The following ITGA2 variants were observed in gnomAD, a reference collection of about 807,000 sequenced individuals.
ITGA2 encodes integrin subunit alpha 2.
ITGA2 carries 101 observed loss-of-function variants against 146.3 expected under a neutral mutation model. The ratio of observed to expected loss-of-function variants is 0.69; its 90% CI spans 0.59 to 0.81. The LOEUF is 0.81. Among genes scored for constraint, ITGA2 ranks in the 40% least tolerant of loss-of-function variants. ITGA2 has a pLI of 0.00. For missense variants in ITGA2, 1,281 were observed against 1,402.7 expected (o/e 0.91, Z 1.39); for synonymous variants, 477 against 487.1 (o/e 0.98, Z 0.27).
At chr5:53,081,769 C>T (rs1745932001) in intron 26 of ITGA2, 73 bp downstream of exon 26, 3 of 1,001,900 alleles carry the variant, frequency 3.0e-6, no homozygotes, top group South Asian at 1.4e-5. Flanking sequence ...CTGCTTTTCT[C>T]CTACCAGCTG....
Position 53,075,319 on chromosome 5 carries a change from G to GGGTA in ITGA2, c.2825+16_2825+19dup, listed in dbSNP as rs1302032721. 1.2e-6 allele frequency: 2 copies of GGGTA among 1,604,024 alleles called. No individual in the cohort carries two copies. Among genetic ancestry groups the GGGTA allele is most frequent in the Non-Finnish European group, 1.7e-6 (2 of 1,171,866 alleles). On this transcript the variant is annotated intron_variant, in intron 23 of 29. Coordinates refer to ENST00000296585, the MANE Select transcript of ITGA2 (RefSeq NM_002203.4). ...CACTTAACAAGGTAGGTGAAGCAGT[G>GGGTA]GGTAACCTGCTATCACTGACACCAA...
chr5:53,059,730 T>G (rs1245971122), intron 10 of ITGA2, 144 bp from the exon 11 acceptor site: 5 of 853,958 alleles, frequency 5.9e-6, no homozygotes, highest in Non-Finnish European at 3.7e-6. Flanking sequence ...ATTAAGACAA[T>G]TCTACAATAT....
At chr5:52,995,511 G>A (rs1040806241) in intron 1 of ITGA2, among the ~76,000 whole-genome samples, 3 of 152,094 alleles carry the variant, frequency 2.0e-5, no homozygotes, top group Admixed American at 2.0e-4. Context: ...GGAGAGAGAG[G>A]GAGAAGATAA....
intron 16 of ITGA2, among the ~76,000 whole-genome samples, chr5:53,067,768 T>C (rs775358377): frequency 1.3e-5 from 2 of 151,898 alleles, no homozygotes; most frequent in Non-Finnish European, 2.9e-5. Flanking sequence ...TACAGAGAAA[T>C]GAGTAAAAGT....
chr5:53,006,411 A>G (rs1319015277), intron 1 of ITGA2, among the ~76,000 whole-genome samples: 1 of 152,196 alleles, frequency 6.6e-6, no homozygotes, highest in Non-Finnish European at 1.5e-5. Context: ...TATTTGCATG[A>G]ACATATGTGT....
At chr5:53,001,573 A>T (rs1016265149) in intron 1 of ITGA2, among the ~76,000 whole-genome samples, 6 of 152,178 alleles carry the variant, frequency 3.9e-5, no homozygotes, top group African/African-American at 1.4e-4. Context: ...ACAAAAAGTG[A>T]TTCAACTCCC....
At chr5:53,058,554 G>A (rs1313244770) in intron 10 of ITGA2, among the ~76,000 whole-genome samples, 2 of 151,852 alleles carry the variant, frequency 1.3e-5, no homozygotes, top group Non-Finnish European at 2.9e-5. Context: ...AAAACGTGAG[G>A]TGGAATTGGA....
At chr5:53,047,102 T>C (rs978733925) in intron 4 of ITGA2, among the ~76,000 whole-genome samples, 2 of 152,206 alleles carry the variant, frequency 1.3e-5, no homozygotes, top group Admixed American at 6.5e-5. Flanking sequence ...GAGAAAACTA[T>C]GCCTTGTTCA....
intron 12 of ITGA2, 21 bp downstream of exon 12, chr5:53,061,067 G>A (rs1235849544): frequency 6.2e-7 from 1 of 1,611,414 alleles, no homozygotes; most frequent in South Asian, 1.1e-5. Flanking sequence ...CTGTTTAGCA[G>A]GTGAAATTAA....
chr5:52,999,662 T>G (rs1741470835), intron 1 of ITGA2, among the ~76,000 whole-genome samples: 3 of 152,132 alleles, frequency 2.0e-5, no homozygotes, highest in African/African-American at 7.2e-5. Context: ...TCTGCTGTTT[T>G]GTAGCAAGTC....
At chr5:53,007,311 C>A (rs1032700270) in intron 1 of ITGA2, among the ~76,000 whole-genome samples, 2 of 152,016 alleles carry the variant, frequency 1.3e-5, no homozygotes, top group Non-Finnish European at 2.9e-5. Context: ...TCAGAAAAGA[C>A]CCTAACCAAA....
At chr5:53,084,311 CAAAT>C (rs1470116209) in intron 27 of ITGA2, among the ~76,000 whole-genome samples, 2 of 151,418 alleles carry the variant, frequency 1.3e-5, no homozygotes, top group African/African-American at 2.4e-5. Context: ...TTCTTTTTAA[CAAAT>C]AAATCAGTTC....
Position 53,055,546 on chromosome 5 carries a change from C to T in ITGA2, c.788C>T (p.Ala263Val). ...FGAIQYARKY[A>V]YSAASGGRRS... ...AATTTTATCTGCCACAGAAAATATG[C>T]TTATTCAGCAGCTTCTGGTGGGCGA... Residue 263 changes from alanine (A) to valine (V), a missense_variant, in exon 8 of 30, where the codon GCT (alanine) becomes GTT (valine). By Grantham distance (64) the Ala-to-Val change is moderately conservative. Around this residue, in one of 3 missense-constraint regions of ITGA2, gnomAD observed 795 missense variants for 841.7 expected, o/e 0.94. Coordinates refer to ENST00000296585, the MANE Select transcript of ITGA2 (RefSeq NM_002203.4). The T allele has an allele frequency of 6.2e-7, 1 of 1,612,650 alleles. No homozygotes were observed. The highest frequency in any genetic ancestry group is 8.5e-7 in the Non-Finnish European group (1 of 1,179,076).
chr5:53,042,086 G>T, intron 2 of ITGA2, 26 bp from the exon 3 acceptor site: 2 of 1,325,694 alleles, frequency 1.5e-6, no homozygotes, highest in Non-Finnish European at 2.2e-6. Flanking sequence ...AACACTTTGT[G>T]TCTAATAAAA....
chr5:53,074,529 T>C lies in ITGA2; in HGVS notation c.2664+52T>C, dbSNP rs765809474. ...CCATACAAGCCCTCCTTAGCACATA[T>C]GCTAATTTACCAACATAACATCTTG... On this transcript the variant is annotated intron_variant, in intron 21 of 29. Transcript: ENST00000296585. 4 of 1,345,662 alleles carry C rather than the reference T, an allele frequency of 3.0e-6. No individual in the cohort carries two copies. In the South Asian group the frequency reaches 3.5e-5, roughly 12 times the overall value. The allele number at this position is 1,345,662 out of a possible 1,614,324, so 83.4% of individuals were successfully genotyped here. A position where few individuals can be genotyped will look rare whatever the true frequency, so the allele number is the denominator to read the frequency against.
intron 1 of ITGA2, among the ~76,000 whole-genome samples, chr5:52,990,753 A>G (rs1024781084): frequency 1.3e-5 from 2 of 152,076 alleles, no homozygotes; most frequent in South Asian, 2.1e-4. Flanking sequence ...GCCCGAGCAG[A>G]GAATGGGCAT....
At chr5:53,039,335 G>C (rs1414429911) in intron 2 of ITGA2, among the ~76,000 whole-genome samples, 1 of 152,182 alleles carries the variant, frequency 6.6e-6, no homozygotes, top group African/African-American at 2.4e-5. Flanking sequence ...TTGGTGCGTA[G>C]TAGATACGCA....
intron 1 of ITGA2, among the ~76,000 whole-genome samples, chr5:52,995,454 AAAG>A (rs1190026569): frequency 3.3e-5 from 5 of 151,856 alleles, no homozygotes; most frequent in African/African-American, 4.8e-5. Flanking sequence ...GAAAGGCATT[AAAG>A]AAGAAGAGTG....
In ITGA2 at chr5:53,072,671, ATGTCCGACAAATACCAGC is replaced by A; in HGVS notation, c.2408_2425del (p.Val803_Ala808del). Reference sequence around the variant, plus strand: ...CTTTGCATTTCTGATCTAGTCCTAGATGTCCGACAAATACCAGCTGCTCAGTAAGTTTTACTTTAAAGC... The same window carrying A: ...CTTTGCATTTCTGATCTAGTCCTAGATGCTCAGTAAGTTTTACTTTAAAGC... On this transcript the variant is annotated inframe_deletion, in exon 19 of 30. Transcript: ENST00000296585. The A allele has an allele frequency of 6.2e-7, 1 of 1,610,524 alleles. No homozygotes were observed. Among genetic ancestry groups the A allele is most frequent in the Non-Finnish European group, 8.5e-7 (1 of 1,178,252 alleles).
Sources: gnomAD v4.1 joint callset for allele counts (sites outside exome capture counted in the v4.1 genomes callset) on GRCh38, gnomAD v4.1.1 for gene constraint, gnomAD v4.1.1 regional missense constraint, MANE v1.5 for transcripts, NCBI Gene and HGNC (gene_info 2026-07-23, HGNC 2026-07-21) for gene names.